The following PLCB1 variants were observed in gnomAD, a reference collection of about 807,000 sequenced individuals.
PLCB1 encodes phospholipase C beta 1, also known as 1-phosphatidylinositol 4,5-bisphosphate phosphodiesterase beta-1.
Under a neutral mutation model 161.8 loss-of-function variants are expected in PLCB1, and 46 were observed. The observed-to-expected ratio is 0.28, with a 90% CI of 0.22 to 0.36. The LOEUF (loss-of-function observed/expected upper bound fraction) is 0.36, where lower values mean the gene tolerates loss of function less well. Ranked by LOEUF, PLCB1 falls within the 10% of genes least tolerant of loss-of-function variation. The pLI is 1.00. For synonymous variants in PLCB1, 517 were observed against 503.7 expected, an observed-to-expected ratio of 1.03 and a Z score of -0.35; for missense variants, 1,016 against 1,472.5, an observed-to-expected ratio of 0.69 and a Z score of 5.07.
Position 8,881,783 on chromosome 20 carries a change from C to T in PLCB1, c.3585C>T (p.His1195=), listed in dbSNP as rs776397250. The change falls in exon 32 of 32, where the codon CAC becomes CAT. Residue 1195 remains histidine (H), a synonymous_variant. Transcript: ENST00000338037. ...SLSSDPGKVN[H]KTPSSEELGG... ...CCTCAGACCCTGGAAAAGTGAACCA[C>T]AAGACTCCCTCCAGTGAGGAGCTGG... The T allele has an allele frequency of 1.9e-6, 3 of 1,614,098 alleles. No homozygotes were observed. In the South Asian group the frequency reaches 3.3e-5, roughly 18 times the overall value.
intron 31 of PLCB1, among the ~76,000 whole-genome samples, chr20:8,837,142 TA>T (rs542097941): frequency 1.6e-4 from 25 of 152,192 alleles, no homozygotes; most frequent in Admixed American, 3.3e-4. Flanking sequence ...CTAAGGGGAT[TA>T]ATCCTGCATC....
chr20:8,438,071 A>G (rs11905466), intron 3 of PLCB1, among the ~76,000 whole-genome samples: 15,985 of 152,084 alleles, frequency 0.11, 862 homozygotes, highest in Non-Finnish European at 0.11. Context: ...TCATATATGA[A>G]TTTCATTTTT....
At chr20:8,383,040 C>A (rs918564245) in intron 3 of PLCB1, among the ~76,000 whole-genome samples, 2 of 152,164 alleles carry the variant, frequency 1.3e-5, no homozygotes, top group Non-Finnish European at 2.9e-5. Flanking sequence ...CTGTAGATAT[C>A]TGTTAGGTCC....
intron 2 of PLCB1, among the ~76,000 whole-genome samples, chr20:8,345,008 A>G (rs180760226): frequency 6.6e-5 from 10 of 152,308 alleles, no homozygotes; most frequent in Admixed American, 5.2e-4. Flanking sequence ...AAGGCAGGAA[A>G]CTACTCTAAC....
At position 8,762,078 on chromosome 20, in the gene PLCB1, C is replaced by T. The variant is rs199603248; in HGVS notation, c.2710+1618C>T. Among the ~76,000 whole-genome samples, 515 of 151,934 alleles carry T rather than the reference C, an allele frequency of 3.4e-3. 4 individuals are homozygous for T. The highest frequency in any genetic ancestry group is 0.011 in the African/African-American group (455 of 41,488). On this transcript the variant is annotated intron_variant, in intron 25 of 31. Coordinates refer to ENST00000338037, the MANE Select transcript of PLCB1 (RefSeq NM_015192.4). The stretch of plus-strand genomic sequence containing the variant: ...ATTACAAAATTAACCGCTGTGGTGG[C>T]GCGCACCTATAATCCCAGCTACTCA...
At chr20:8,224,000 C>T (rs1260854149) in intron 2 of PLCB1, among the ~76,000 whole-genome samples, 1 of 152,182 alleles carries the variant, frequency 6.6e-6, no homozygotes, top group African/African-American at 2.4e-5. Flanking sequence ...TATAAAGTTG[C>T]ATACAGTTTC....
Position 8,801,806 on chromosome 20 carries a change from T to A in PLCB1, c.3423+11545T>A, listed in dbSNP as rs566590079. 1.7e-4 allele frequency among the ~76,000 whole-genome samples: 26 copies of A among 152,284 alleles called. No individual in the cohort carries two copies. The South Asian group carries it at 5.2e-3, about 30-fold the overall frequency. ...TCAAAAGTAACAGCTGTGATCATTTTTAACAACTAATTTTTACAGAGAGTG... is the reference window on the plus strand; with the variant it reads ...TCAAAAGTAACAGCTGTGATCATTTATAACAACTAATTTTTACAGAGAGTG... On this transcript the variant is annotated intron_variant, in intron 31 of 31. Coordinates refer to ENST00000338037, the MANE Select transcript of PLCB1 (RefSeq NM_015192.4).
chr20:8,675,047 C>G (rs1990041713), intron 9 of PLCB1, among the ~76,000 whole-genome samples: 1 of 152,032 alleles, frequency 6.6e-6, no homozygotes, highest in African/African-American at 2.4e-5. Flanking sequence ...CTTTACATGA[C>G]AGACTTAGGG....
At chr20:8,683,888 C>T (rs1354881851) in intron 9 of PLCB1, among the ~76,000 whole-genome samples, 1 of 151,634 alleles carries the variant, frequency 6.6e-6, no homozygotes, top group Non-Finnish European at 1.5e-5. Context: ...TTTGAAAACA[C>T]CTTTTTTTTT....
At chr20:8,354,926 G>C (rs1361288727) in intron 2 of PLCB1, among the ~76,000 whole-genome samples, 1 of 152,132 alleles carries the variant, frequency 6.6e-6, no homozygotes, top group Non-Finnish European at 1.5e-5. Flanking sequence ...GAACTTAGCT[G>C]ATCCTACATA....
intron 3 of PLCB1, among the ~76,000 whole-genome samples, chr20:8,587,054 G>A (rs1162621313): frequency 6.6e-6 from 1 of 152,106 alleles, no homozygotes; most frequent in East Asian, 1.9e-4. Flanking sequence ...ATATCCTGTA[G>A]TAGGGGAAAG....
In PLCB1 at chr20:8,524,033, A is replaced by C. The variant is rs571715288; in HGVS notation, c.247-104261A>C. On this transcript the variant is annotated intron_variant, in intron 3 of 31. Coordinates refer to ENST00000338037, the MANE Select transcript of PLCB1 (RefSeq NM_015192.4). ...AAAAGCTTCCAACAATCATTTCAAA[A>C]TTTGATATATATGTTGAAAAATACA... Among the ~76,000 whole-genome samples the C allele has an allele frequency of 1.6e-4, 25 of 152,332 alleles. No homozygotes were observed. In the East Asian group the frequency reaches 4.6e-3, roughly 28 times the overall value.
intron 2 of PLCB1, among the ~76,000 whole-genome samples, chr20:8,196,255 A>C (rs933296104): frequency 6.6e-6 from 1 of 152,138 alleles, no homozygotes; most frequent in Non-Finnish European, 1.5e-5. Flanking sequence ...TTCCCAGCAC[A>C]TTCTATCAGA....
At chr20:8,169,298 C>T (rs2051708094) in intron 2 of PLCB1, among the ~76,000 whole-genome samples, 1 of 152,046 alleles carries the variant, frequency 6.6e-6, no homozygotes, top group Non-Finnish European at 1.5e-5. Flanking sequence ...AATCCAACTC[C>T]CAGGGTTCAA....
At chr20:8,570,822 A>T (rs2123049633) in intron 3 of PLCB1, among the ~76,000 whole-genome samples, 1 of 152,262 alleles carries the variant, frequency 6.6e-6, no homozygotes, top group Non-Finnish European at 1.5e-5. Context: ...TTTTCTTTTG[A>T]GTGGTTAGAG....
At chr20:8,354,220 T>G (rs1986286830) in intron 2 of PLCB1, among the ~76,000 whole-genome samples, 1 of 152,114 alleles carries the variant, frequency 6.6e-6, no homozygotes, top group South Asian at 2.1e-4. Flanking sequence ...TACTTAAAAA[T>G]GATTAAAATT....
At chr20:8,396,657 T>C (rs1315687209) in intron 3 of PLCB1, among the ~76,000 whole-genome samples, 2 of 152,048 alleles carry the variant, frequency 1.3e-5, no homozygotes, top group African/African-American at 4.8e-5. Context: ...ACACAAAAAG[T>C]TGCTTTGAAA....
At chr20:8,342,261 CTT>C (rs528011857) in intron 2 of PLCB1, among the ~76,000 whole-genome samples, 23 of 152,224 alleles carry the variant, frequency 1.5e-4, no homozygotes, top group African/African-American at 5.1e-4. Context: ...TTGTGTAAGT[CTT>C]AGAGTAAGAC....
intron 3 of PLCB1, among the ~76,000 whole-genome samples, chr20:8,488,054 G>A (rs1012130984): frequency 6.6e-6 from 1 of 152,098 alleles, no homozygotes; most frequent in Non-Finnish European, 1.5e-5. Context: ...TCCTCTATTC[G>A]AAGTCTTACT....
Sources: gnomAD v4.1 joint callset for allele counts (sites outside exome capture counted in the v4.1 genomes callset) on GRCh38, gnomAD v4.1.1 for gene constraint, MANE v1.5 for transcripts, NCBI Gene and HGNC (gene_info 2026-07-23, HGNC 2026-07-21) for gene names.